The following PCDHGB6 variants were observed in gnomAD, a reference collection of about 807,000 sequenced individuals.
The protein encoded by PCDHGB6 is protocadherin gamma-B6.
PCDHGB6 carries 51 observed loss-of-function variants against 59.1 expected under a neutral mutation model. The ratio of observed to expected loss-of-function variants is 0.86; its 90% CI spans 0.69 to 1.09. The LOEUF is 1.09. PCDHGB6 is among the 50% of genes least tolerant of loss of function. PCDHGB6 has a pLI of 0.00. For missense variants in PCDHGB6, 1,148 were observed against 1,205.1 expected, an observed-to-expected ratio of 0.95 and a Z score of 0.70; for synonymous variants, 466 against 495.1, an observed-to-expected ratio of 0.94 and a Z score of 0.78.
At chr5:141,417,007 C>A (rs1204390468) in intron 1 of PCDHGB6, 1 of 148,406 alleles carries the variant, frequency 6.7e-6, no homozygotes, top group Non-Finnish European at 1.5e-5. Flanking sequence ...TCAAATAATT[C>A]TATTATTTTG....
chr5:141,472,556 T>A (rs2099287889), intron 1 of PCDHGB6, among the ~76,000 whole-genome samples: 1 of 151,628 alleles, frequency 6.6e-6, no homozygotes, highest in South Asian at 2.1e-4. Flanking sequence ...AAAAAAATTA[T>A]ATTATAAATG....
intron 1 of PCDHGB6, chr5:141,426,599 A>G (rs1171205143): frequency 2.7e-6 from 1 of 377,348 alleles, no homozygotes; most frequent in Non-Finnish European, 5.4e-6. Flanking sequence ...TCATACCCTT[A>G]GAGATTGTAG....
At chr5:141,435,954 G>A (rs1163590812) in intron 1 of PCDHGB6, among the ~76,000 whole-genome samples, 2 of 152,092 alleles carry the variant, frequency 1.3e-5, no homozygotes, top group African/African-American at 2.4e-5. Flanking sequence ...AAAAAAGGGG[G>A]CAAAATATAG....
rs756486864 is a variant in PCDHGB6, at chr5:141,409,231, C to T, written c.1029C>T (p.Asn343=). 4.3e-6 allele frequency: 7 copies of T among 1,613,926 alleles called. No individual in the cohort carries two copies. Among genetic ancestry groups the T allele is most frequent in the Admixed American group, 3.3e-5 (2 of 60,002 alleles). Reference sequence around the variant, plus strand: ...TAGAAATCCTTGATGAAAACGACAACAGCCCAGAAATAATCATCACTTCTC... The same window carrying T: ...TAGAAATCCTTGATGAAAACGACAATAGCCCAGAAATAATCATCACTTCTC... ...VIIEILDEND[N]SPEIIITSLS... Residue 343 remains asparagine (N), a synonymous_variant, in exon 1 of 4, where the codon AAC becomes AAT. Transcript: ENST00000520790.
Position 141,423,358 on chromosome 5 carries a change from G to A in PCDHGB6, c.2418+12738G>A, listed in dbSNP as rs202010010. The A allele has an allele frequency of 2.3e-4, 371 of 1,614,078 alleles. 1 individual carries two copies. The highest frequency in any genetic ancestry group is 2.8e-4 in the Non-Finnish European group (334 of 1,180,024). ...CTGCATCTTCCTGGTCTTTGTCATC[G>A]TGCTGCTGGCACTCAGGCTGTGGCG... On this transcript the variant is annotated intron_variant, in intron 1 of 3. Coordinates refer to ENST00000520790, the MANE Select transcript of PCDHGB6 (RefSeq NM_018926.3).
chr5:141,413,533 C>T (rs777022301), intron 1 of PCDHGB6: 1 of 1,613,934 alleles, frequency 6.2e-7, no homozygotes, highest in Admixed American at 1.7e-5. Context: ...CAGGGTGAAA[C>T]TTTTTGGGAT....
At chr5:141,417,712 C>T in intron 1 of PCDHGB6, 1 of 1,270,436 alleles carries the variant, frequency 7.9e-7, no homozygotes, top group Non-Finnish European at 1.1e-6. Context: ...ACAGAGGCTC[C>T]CGGCTGCGCA....
chr5:141,471,427 AGT>A (rs1475862025), intron 1 of PCDHGB6: 1 of 152,188 alleles, frequency 6.6e-6, no homozygotes, highest in Non-Finnish European at 1.5e-5. Flanking sequence ...TAGCAAGGAA[AGT>A]GTATAATCTC....
chr5:141,490,793 C>T lies in PCDHGB6; in HGVS notation c.2419-4014C>T, dbSNP rs2233608. 6 of 1,613,812 alleles carry T rather than the reference C, an allele frequency of 3.7e-6. No homozygotes were observed. The East Asian group carries it at 1.3e-4, about 36-fold the overall frequency. On this transcript the variant is annotated intron_variant, in intron 1 of 3. Transcript: ENST00000520790. This position sits in a 1 kb window ranked among gnomAD's most constrained non-coding sequence, Gnocchi z 5.4. Reference sequence around the variant, plus strand: ...AACCCAGAGGATGGACGGATCTTTGCCCAGCGTACCTTTGACTATGAATTG... The same window carrying T: ...AACCCAGAGGATGGACGGATCTTTGTCCAGCGTACCTTTGACTATGAATTG...
chr5:141,506,162 C>T (rs1448735916), intron 3 of PCDHGB6, among the ~76,000 whole-genome samples: 1 of 152,124 alleles, frequency 6.6e-6, no homozygotes, highest in Non-Finnish European at 1.5e-5. Flanking sequence ...CTTAAGAGCA[C>T]AGCCTAAGCT....
In PCDHGB6 at chr5:141,485,778, G is replaced by A. The variant is rs575586552; in HGVS notation, c.2419-9029G>A. On this transcript the variant is annotated intron_variant, in intron 1 of 3. Coordinates refer to ENST00000520790, the MANE Select transcript of PCDHGB6 (RefSeq NM_018926.3). The surrounding 1 kb of genome is among the most constrained non-coding windows in gnomAD (Gnocchi z 5.7). ...CTGCTCCTGGAGAAGCCTTTGGATC[G>A]AGAGAAGCAATCGGACTACCGCCTG... is the stretch of plus-strand genomic sequence containing the variant. The A allele has an allele frequency of 1.2e-6, 2 of 1,614,216 alleles. No individual in the cohort carries two copies. Among genetic ancestry groups the A allele is most frequent in the Admixed American group, 1.7e-5 (1 of 60,028 alleles).
In PCDHGB6 at chr5:141,485,713, G is replaced by A. The variant is rs769162337; in HGVS notation, c.2419-9094G>A. The stretch of plus-strand genomic sequence containing the variant: ...TGAGCTCCAATGAACACTTTGCACT[G>A]GATGTGAAGAAGCGCAGCGACGGCA... On this transcript the variant is annotated intron_variant, in intron 1 of 3. Transcript: ENST00000520790. The surrounding 1 kb of genome is among the most constrained non-coding windows in gnomAD (Gnocchi z 5.7). 2 of 1,614,084 alleles carry A rather than the reference G, an allele frequency of 1.2e-6. No homozygotes were observed. The highest frequency in any genetic ancestry group is 1.3e-5 in the African/African-American group (1 of 74,942).
chr5:141,422,877 C>A, intron 1 of PCDHGB6: 1 of 1,614,246 alleles, frequency 6.2e-7, no homozygotes. Context: ...TGTCGCTGAG[C>A]CTGTTCGTGC....
intron 1 of PCDHGB6, chr5:141,415,577 C>G (rs776744277): frequency 2.5e-6 from 4 of 1,613,744 alleles, no homozygotes; most frequent in South Asian, 2.2e-5. Flanking sequence ...TTAGATGATT[C>G]GAAGTTTCCT....
Position 141,415,576 on chromosome 5 carries a change from T to C in PCDHGB6, c.2418+4956T>C, listed in dbSNP as rs182127695. 9.5e-5 allele frequency: 153 copies of C among 1,614,182 alleles called. No individual in the cohort carries two copies. The Admixed American group carries it at 1.6e-3, about 17-fold the overall frequency. Reference sequence around the variant, plus strand: ...CGATCCTTTGTCTTTGTTAGATGATTCGAAGTTTCCTATAGAGGATACCCC... The same window carrying C: ...CGATCCTTTGTCTTTGTTAGATGATCCGAAGTTTCCTATAGAGGATACCCC... On this transcript the variant is annotated intron_variant, in intron 1 of 3. Transcript: ENST00000520790.
chr5:141,510,529 A>G (rs2099881539), intron 3 of PCDHGB6, among the ~76,000 whole-genome samples: 2 of 152,242 alleles, frequency 1.3e-5, no homozygotes, highest in Admixed American at 6.5e-5. Flanking sequence ...CCCTGAGAGA[A>G]ATACCAGCGA....
At chr5:141,419,093 C>T (rs1191453038) in intron 1 of PCDHGB6, 4 of 1,613,916 alleles carry the variant, frequency 2.5e-6, no homozygotes, top group South Asian at 1.1e-5. Flanking sequence ...GGCCCTGGAT[C>T]GGGAGCAGAC....
At chr5:141,503,479 G>A (rs1203644194) in intron 2 of PCDHGB6, among the ~76,000 whole-genome samples, 5 of 151,616 alleles carry the variant, frequency 3.3e-5, no homozygotes, top group African/African-American at 9.7e-5. Context: ...TGCACTTGTC[G>A]TCCCAGCTGC....
chr5:141,464,517 G>A lies in PCDHGB6; in HGVS notation c.2419-30290G>A, dbSNP rs1487703873. 2.0e-5 allele frequency among the ~76,000 whole-genome samples: 3 copies of A among 151,862 alleles called. No individual in the cohort carries two copies. In the South Asian group the frequency reaches 6.2e-4, roughly 32 times the overall value. On this transcript the variant is annotated intron_variant, in intron 1 of 3. Transcript: ENST00000520790. ...GTGATTGCTGCATCATAAGGTAAAG[G>A]CATATGTAGTTTTGTTAAATATAGC...
Sources: gnomAD v4.1 joint callset for allele counts (sites outside exome capture counted in the v4.1 genomes callset) on GRCh38, gnomAD v4.1.1 for gene constraint, Gnocchi (gnomAD v3.1) non-coding constraint, MANE v1.5 for transcripts, NCBI Gene and HGNC (gene_info 2026-07-23, HGNC 2026-07-21) for gene names.